Variants in GREM2 observed in about 807,000 individuals in gnomAD.
GREM2 encodes gremlin-2.
Under a neutral mutation model 14.2 loss-of-function variants are expected in GREM2, and 11 were observed. The ratio of observed to expected loss-of-function variants is 0.78; its 90% CI spans 0.49 to 1.28. The LOEUF (loss-of-function observed/expected upper bound fraction) is 1.28, where lower values mean the gene tolerates loss of function less well. GREM2 is among the 50% of genes most tolerant of loss of function. GREM2 has a pLI of 0.00. For missense variants in GREM2, 210 were observed against 218.5 expected, an observed-to-expected ratio of 0.96 and a Z score of 0.24; for synonymous variants, 98 against 97.6, an observed-to-expected ratio of 1.00 and a Z score of -0.02.
intron 1 of GREM2, among the ~76,000 whole-genome samples, chr1:240,501,387 C>T (rs972613435): frequency 2.6e-5 from 4 of 152,156 alleles, no homozygotes; most frequent in African/African-American, 9.7e-5. Flanking sequence ...AGCTTAATTT[C>T]ATCTGGAAAA....
At chr1:240,508,505 G>C (rs550360719) in intron 1 of GREM2, among the ~76,000 whole-genome samples, 2 of 152,052 alleles carry the variant, frequency 1.3e-5, no homozygotes, top group African/African-American at 4.8e-5. Context: ...TCTTTCCTAG[G>C]ATCAGCCTAA....
intron 1 of GREM2, among the ~76,000 whole-genome samples, chr1:240,552,241 T>C (rs1678866584): frequency 6.6e-6 from 1 of 152,096 alleles, no homozygotes; most frequent in African/African-American, 2.4e-5. Context: ...TCATATCCAG[T>C]TTTTAGGGAG....
At chr1:240,497,097 A>T (rs1195087237) in intron 1 of GREM2, among the ~76,000 whole-genome samples, 3 of 152,146 alleles carry the variant, frequency 2.0e-5, no homozygotes, top group African/African-American at 4.8e-5. Context: ...TTAAGAAGCC[A>T]GAGAAAGGCA....
chr1:240,547,045 T>G (rs1465277854), intron 1 of GREM2, among the ~76,000 whole-genome samples: 1 of 152,066 alleles, frequency 6.6e-6, no homozygotes, highest in Admixed American at 6.6e-5. Context: ...ATGTGGTGCC[T>G]GGCCTGGCCT....
intron 1 of GREM2, among the ~76,000 whole-genome samples, chr1:240,533,939 T>C (rs867653078): frequency 6.6e-6 from 1 of 152,170 alleles, no homozygotes; most frequent in African/African-American, 2.4e-5. Context: ...AAAATGTTAC[T>C]ACTATTAAAT....
intron 1 of GREM2, among the ~76,000 whole-genome samples, chr1:240,521,566 G>A (rs571659100): frequency 4.6e-5 from 7 of 151,936 alleles, no homozygotes; most frequent in Admixed American, 2.6e-4. Flanking sequence ...GTGAGACTCC[G>A]TCTCAAAAAA....
chr1:240,580,942 T>C (rs1399515229), intron 1 of GREM2, among the ~76,000 whole-genome samples: 1 of 152,124 alleles, frequency 6.6e-6, no homozygotes. Context: ...ATGGAGGGTG[T>C]AGCTTGTTAG....
chr1:240,564,568 G>C lies in GREM2; in HGVS notation c.-2+47316C>G, dbSNP rs377198470. On this transcript the variant is annotated intron_variant, in intron 1 of 1. Transcript: ENST00000318160. ...TAAAGTTACTTGTTTGAAGAGAGAT[G>C]ATGATTTTAAGTTGTGTCAGTCTGT... Among the ~76,000 whole-genome samples, 4 of 151,912 alleles carry C rather than the reference G, an allele frequency of 2.6e-5. No individual in the cohort carries two copies. In the East Asian group the frequency reaches 5.8e-4, roughly 22 times the overall value.
At chr1:240,493,549 T>TA in intron 1 of GREM2, 73 bp from the exon 2 acceptor site, 1 of 1,437,156 alleles carries the variant, frequency 7.0e-7, no homozygotes, top group Non-Finnish European at 9.2e-7. Context: ...TTATTTTTTT[T>TA]TTTATTTTAG....
intron 1 of GREM2, among the ~76,000 whole-genome samples, chr1:240,590,913 G>A (rs902079006): frequency 2.6e-5 from 4 of 151,786 alleles, no homozygotes; most frequent in Non-Finnish European, 4.4e-5. Context: ...AGCCTCCTGA[G>A]TGGGATTACA....
At chr1:240,578,270 C>T (rs1239142599) in intron 1 of GREM2, among the ~76,000 whole-genome samples, 11 of 151,980 alleles carry the variant, frequency 7.2e-5, no homozygotes, top group Admixed American at 2.0e-4. Context: ...GGACTACAGG[C>T]GCCTGCCACC....
chr1:240,547,528 T>G (rs188147003), intron 1 of GREM2, among the ~76,000 whole-genome samples: 3,334 of 112,216 alleles, frequency 0.03, 56 homozygotes, highest in East Asian at 0.05. Flanking sequence ...TATATATATA[T>G]ATATATAGAT....
intron 1 of GREM2, among the ~76,000 whole-genome samples, chr1:240,604,828 C>G (rs534935084): frequency 3.9e-5 from 6 of 152,318 alleles, no homozygotes; most frequent in South Asian, 2.1e-4. Flanking sequence ...TCTTCAAAGA[C>G]TTTCCTCCCC....
chr1:240,504,222 G>T (rs954035024), intron 1 of GREM2, among the ~76,000 whole-genome samples: 2 of 152,080 alleles, frequency 1.3e-5, no homozygotes, highest in African/African-American at 2.4e-5. Context: ...AATAATTTTT[G>T]CAGGTCCTCA....
chr1:240,527,409 G>C lies in GREM2; in HGVS notation c.-1-33933C>G, dbSNP rs540492284. ...GATTAGTATTAATTTTAGTGTCTTT[G>C]CTTTTGAACCAACTTCTTAGTGTGT... On this transcript the variant is annotated intron_variant, in intron 1 of 1. Coordinates refer to ENST00000318160, the MANE Select transcript of GREM2 (RefSeq NM_022469.4). Among the ~76,000 whole-genome samples the C allele has an allele frequency of 2.0e-5, 3 of 152,194 alleles. No homozygotes were observed. In the South Asian group the frequency reaches 6.2e-4, roughly 32 times the overall value.
intron 1 of GREM2, among the ~76,000 whole-genome samples, chr1:240,605,634 C>A (rs1443682697): frequency 6.6e-6 from 1 of 151,962 alleles, no homozygotes; most frequent in African/African-American, 2.4e-5. Context: ...TCTTCTAATC[C>A]AAAAATCACA....
rs114514293 is a variant in GREM2 at position 240,544,451 on chromosome 1, C to T, written c.-1-50975G>A. On this transcript the variant is annotated intron_variant, in intron 1 of 1. Coordinates refer to ENST00000318160, the MANE Select transcript of GREM2 (RefSeq NM_022469.4). Reference sequence around the variant, plus strand: ...CGTGAGCCACCGCGCCTGGCCAGTACTAGGCCATTTTATATGAGAGACTTG... The same window carrying T: ...CGTGAGCCACCGCGCCTGGCCAGTATTAGGCCATTTTATATGAGAGACTTG... Among the ~76,000 whole-genome samples, 1,377 of 152,166 alleles carry T rather than the reference C, an allele frequency of 9.0e-3. 19 individuals are homozygous for T. Among genetic ancestry groups the T allele is most frequent in the African/African-American group, 0.032 (1,317 of 41,538 alleles).
At chr1:240,521,339 T>C (rs536286375) in intron 1 of GREM2, among the ~76,000 whole-genome samples, 22 of 152,206 alleles carry the variant, frequency 1.4e-4, no homozygotes, top group South Asian at 4.1e-4. Context: ...CAGGCCGAAG[T>C]GGGCGGATCA....
At chr1:240,501,825 T>C (rs1249396375) in intron 1 of GREM2, among the ~76,000 whole-genome samples, 1 of 152,088 alleles carries the variant, frequency 6.6e-6, no homozygotes, top group Admixed American at 6.6e-5. Context: ...GTCAGAAGAA[T>C]GTGACACTGA....
Sources: allele counts gnomAD v4.1 joint callset (sites outside exome capture counted in the v4.1 genomes callset), GRCh38; gene constraint gnomAD v4.1.1; transcripts MANE v1.5; gene names NCBI Gene and HGNC (gene_info 2026-07-23, HGNC 2026-07-21).